Variants in ZNF407 observed in about 807,000 individuals in gnomAD.
ZNF407 encodes zinc finger protein 407.
ZNF407 carries 17 observed loss-of-function variants against 131.2 expected under a neutral mutation model. The observed-to-expected ratio is 0.13, with a 90% CI of 0.09 to 0.19. The LOEUF (loss-of-function observed/expected upper bound fraction) is 0.19. Among genes scored for constraint, ZNF407 ranks in the 10% least tolerant of loss-of-function variants. ZNF407 has a pLI of 1.00. For missense variants in ZNF407, 2,681 were observed against 2,830.6 expected (o/e 0.95, Z 1.20); for synonymous variants, 1,156 against 1,062.0 (o/e 1.09, Z -1.72).
intron 3 of ZNF407, among the ~76,000 whole-genome samples, chr18:74,729,577 G>T (rs1342928193): frequency 6.6e-6 from 1 of 152,012 alleles, no homozygotes; most frequent in Non-Finnish European, 1.5e-5. Flanking sequence ...TTTGTGAGGA[G>T]CGCTCAGCAT....
intron 3 of ZNF407, among the ~76,000 whole-genome samples, chr18:74,719,252 T>C (rs1163662288): frequency 6.6e-6 from 1 of 152,156 alleles, no homozygotes; most frequent in East Asian, 1.9e-4. Context: ...ATTCATACAG[T>C]GGTGTAGAAC....
At position 74,703,229 on chromosome 18, in the gene ZNF407, C is replaced by T. The variant is rs916538504; in HGVS notation, c.4802+62107C>T. 2.6e-5 allele frequency among the ~76,000 whole-genome samples: 4 copies of T among 152,234 alleles called. No homozygotes were observed. The highest frequency in any genetic ancestry group is 7.2e-5 in the African/African-American group (3 of 41,452). Reference sequence around the variant, plus strand: ...TCTCACAAGAACCTGCCTCATGTCCCACCCAACTAGATGTGTAAGGAAAGA... The same window carrying T: ...TCTCACAAGAACCTGCCTCATGTCCTACCCAACTAGATGTGTAAGGAAAGA... On this transcript the variant is annotated intron_variant, in intron 3 of 8. Transcript: ENST00000299687. The surrounding 1 kb of genome is among the most constrained non-coding windows in gnomAD (Gnocchi z 4.1).
chr18:74,708,657 G>C (rs548984868), intron 3 of ZNF407, among the ~76,000 whole-genome samples: 1 of 152,332 alleles, frequency 6.6e-6, no homozygotes, highest in African/African-American at 2.4e-5. Context: ...TGGGGGAGCA[G>C]CCTGGTGTGA....
At chr18:74,974,464 C>T (rs965136254) in intron 8 of ZNF407, among the ~76,000 whole-genome samples, 7 of 152,168 alleles carry the variant, frequency 4.6e-5, no homozygotes, top group African/African-American at 1.4e-4. Context: ...AATGACATCT[C>T]ACTTTTTCCC....
rs576994785 is a variant in ZNF407 at position 74,983,950 on chromosome 18, T to C, written c.5428+63258T>C. Among the ~76,000 whole-genome samples the C allele has an allele frequency of 2.1e-4, 32 of 152,360 alleles. No homozygotes were observed. The Middle Eastern group carries it at 0.014, about 65-fold the overall frequency. ...GAACTGGCAGGTCTATCTCATTTGA[T>C]CTTCTTGTATAGATGTTTTTAATAA... On this transcript the variant is annotated intron_variant, in intron 8 of 8. Transcript: ENST00000299687.
At chr18:74,752,039 G>T (rs1968817134) in intron 3 of ZNF407, among the ~76,000 whole-genome samples, 2 of 152,136 alleles carry the variant, frequency 1.3e-5, no homozygotes, top group South Asian at 2.1e-4. Context: ...ACCTGTTGTT[G>T]CCTGACTTTT....
intron 3 of ZNF407, among the ~76,000 whole-genome samples, chr18:74,642,620 G>C (rs974726537): frequency 2.0e-5 from 3 of 152,102 alleles, no homozygotes; most frequent in Non-Finnish European, 2.9e-5. Flanking sequence ...GTATCAAAAA[G>C]AATACACAAT....
chr18:74,749,804 C>A (rs533257120), intron 3 of ZNF407, among the ~76,000 whole-genome samples: 1 of 152,016 alleles, frequency 6.6e-6, no homozygotes, highest in African/African-American at 2.4e-5. Context: ...GAATAAAACT[C>A]CAAATAATAG....
At chr18:74,923,864 C>A (rs1457628284) in intron 8 of ZNF407, among the ~76,000 whole-genome samples, 2 of 152,058 alleles carry the variant, frequency 1.3e-5, no homozygotes, top group African/African-American at 4.8e-5. Context: ...CAGTTTTTAT[C>A]TTTTACATTA....
At chr18:74,815,214 T>G (rs1970251648) in intron 4 of ZNF407, among the ~76,000 whole-genome samples, 1 of 152,164 alleles carries the variant, frequency 6.6e-6, no homozygotes, top group Admixed American at 6.5e-5. Context: ...TATGTGATTT[T>G]ATTTTATTTA....
intron 8 of ZNF407, among the ~76,000 whole-genome samples, chr18:74,929,682 C>CTGCA (rs1400174592): frequency 6.6e-6 from 1 of 152,190 alleles, no homozygotes; most frequent in Non-Finnish European, 1.5e-5. Context: ...GTTGCTACTA[C>CTGCA]TGCAGAACAA....
rs530936007 is a variant in ZNF407 at position 74,712,811 on chromosome 18, G to A, written c.4803-68617G>A. On this transcript the variant is annotated intron_variant, in intron 3 of 8. Coordinates refer to ENST00000299687, the MANE Select transcript of ZNF407 (RefSeq NM_017757.3). ...AGTTGGCTATCCAGGAAGGGCTGGT[G>A]AGATCAGAAGTGGTGTTAAGGCCAG... Among the ~76,000 whole-genome samples, 14 of 152,324 alleles carry A rather than the reference G, an allele frequency of 9.2e-5. 1 individual carries two copies. In the South Asian group the frequency reaches 2.9e-3, roughly 32 times the overall value.
chr18:74,699,578 G>A (rs1967444112), intron 3 of ZNF407, among the ~76,000 whole-genome samples: 1 of 152,108 alleles, frequency 6.6e-6, no homozygotes, highest in Non-Finnish European at 1.5e-5. Context: ...TGGAGAATTA[G>A]GGAGGTACAC....
rs1002207010 is a variant in ZNF407 at position 74,676,518 on chromosome 18, G to T, written c.4802+35396G>T. Among the ~76,000 whole-genome samples, 4 of 149,842 alleles carry T rather than the reference G, an allele frequency of 2.7e-5. No homozygotes were observed. In the South Asian group the frequency reaches 8.5e-4, roughly 32 times the overall value. On this transcript the variant is annotated intron_variant, in intron 3 of 8. Transcript: ENST00000299687. ...GTGGCGGGATCTCGGCTCACTGCAA[G>T]CTCCGCCTCCCGGGTTCACGCCATT... is the stretch of plus-strand genomic sequence containing the variant.
intron 8 of ZNF407, among the ~76,000 whole-genome samples, chr18:74,942,445 T>C (rs907388836): frequency 7.2e-5 from 11 of 152,202 alleles, no homozygotes; most frequent in Non-Finnish European, 1.5e-4. Context: ...ATCAGAGAGC[T>C]AAACAGGAAA....
intron 8 of ZNF407, among the ~76,000 whole-genome samples, chr18:75,060,788 G>A (rs1002726529): frequency 2.4e-4 from 36 of 151,682 alleles, no homozygotes; most frequent in Middle Eastern, 3.4e-3. Flanking sequence ...GACAGGCGTC[G>A]GCCACCGCGC....
intron 4 of ZNF407, among the ~76,000 whole-genome samples, chr18:74,789,247 T>C (rs1322567799): frequency 6.6e-6 from 1 of 152,070 alleles, no homozygotes; most frequent in Non-Finnish European, 1.5e-5. Flanking sequence ...CTTGTTGTGT[T>C]TGATAGGTGG....
intron 3 of ZNF407, among the ~76,000 whole-genome samples, chr18:74,677,635 A>G (rs1472358153): frequency 2.6e-5 from 4 of 152,198 alleles, no homozygotes; most frequent in African/African-American, 9.7e-5. Context: ...TACTTTAGGC[A>G]AAACTTAAAA....
chr18:74,822,020 C>G (rs1036459807), intron 4 of ZNF407, among the ~76,000 whole-genome samples: 1 of 152,140 alleles, frequency 6.6e-6, no homozygotes, highest in Admixed American at 6.5e-5. Context: ...CTCTAATGAC[C>G]AGTGAGGATG....
Sources: allele counts gnomAD v4.1 joint callset (sites outside exome capture counted in the v4.1 genomes callset), GRCh38; gene constraint gnomAD v4.1.1; non-coding constraint Gnocchi (gnomAD v3.1); transcripts MANE v1.5; gene names NCBI Gene and HGNC (gene_info 2026-07-23, HGNC 2026-07-21).